Variants in CMSS1 observed in about 807,000 individuals in gnomAD.
CMSS1 encodes cms1 ribosomal small subunit homolog.
CMSS1 carries 33 observed loss-of-function variants against 43.5 expected under a neutral mutation model. That is an observed-to-expected ratio of 0.76 (90% CI 0.57 to 1.01). The LOEUF (loss-of-function observed/expected upper bound fraction) is 1.01, where lower values mean the gene tolerates loss of function less well. Among genes scored for constraint, CMSS1 ranks in the 50% least tolerant of loss-of-function variants. The pLI, the probability that CMSS1 is intolerant of heterozygous loss-of-function variation, is 0.00. For missense variants in CMSS1, 313 were observed against 326.4 expected (o/e 0.96, Z 0.32); for synonymous variants, 115 against 117.2 (o/e 0.98, Z 0.12).
Position 100,018,187 on chromosome 3 carries a change from G to A in CMSS1, c.65-128786G>A, listed in dbSNP as rs144051527. ...TTAAAAATACAAAAATTAGCCGGGC[G>A]TGGTGGCATGTCCCTGTAATCCCAG... On this transcript the variant is annotated intron_variant, in intron 1 of 9. Coordinates refer to ENST00000421999, the MANE Select transcript of CMSS1 (RefSeq NM_032359.4). Among the ~76,000 whole-genome samples the A allele has an allele frequency of 2.6e-3, 398 of 152,210 alleles. 1 individual carries two copies. The highest frequency in any genetic ancestry group is 8.9e-3 in the African/African-American group (371 of 41,512).
At chr3:100,049,311 A>G (rs2065330999) in intron 1 of CMSS1, among the ~76,000 whole-genome samples, 3 of 152,166 alleles carry the variant, frequency 2.0e-5, no homozygotes, top group Admixed American at 6.5e-5. Context: ...AGGTTAGACT[A>G]TTGCTCTTCT....
chr3:100,075,362 T>C (rs964750260), intron 1 of CMSS1, among the ~76,000 whole-genome samples: 3 of 152,248 alleles, frequency 2.0e-5, no homozygotes, highest in East Asian at 3.8e-4. Context: ...TCGTGTCCTT[T>C]ACCCTACAGG....
intron 1 of CMSS1, among the ~76,000 whole-genome samples, chr3:100,081,316 A>T (rs1559751108): frequency 1.3e-5 from 2 of 152,200 alleles, no homozygotes. Context: ...AACAAATTAT[A>T]TACCATGGTT....
chr3:100,076,591 A>C (rs922306108), intron 1 of CMSS1, among the ~76,000 whole-genome samples: 1 of 152,078 alleles, frequency 6.6e-6, no homozygotes, highest in Non-Finnish European at 1.5e-5. Flanking sequence ...CAGTCTTCTG[A>C]GTTATTTTTT....
chr3:99,959,846 C>T (rs896771999), intron 1 of CMSS1, among the ~76,000 whole-genome samples: 1 of 152,152 alleles, frequency 6.6e-6, no homozygotes, highest in Non-Finnish European at 1.5e-5. Flanking sequence ...AGATTATGAG[C>T]ATGGTTCTTG....
At chr3:99,989,465 T>C (rs546975778) in intron 1 of CMSS1, among the ~76,000 whole-genome samples, 12 of 152,308 alleles carry the variant, frequency 7.9e-5, no homozygotes, top group Admixed American at 7.8e-4. Context: ...ACTACAGCAC[T>C]CTGGATGTTT....
chr3:100,036,799 A>G (rs1158294674), intron 1 of CMSS1, among the ~76,000 whole-genome samples: 2 of 152,168 alleles, frequency 1.3e-5, no homozygotes, highest in Non-Finnish European at 2.9e-5. Context: ...ACTTTAACCA[A>G]GTGATCAAAG....
intron 1 of CMSS1, among the ~76,000 whole-genome samples, chr3:99,876,565 AT>A (rs1379488868): frequency 6.6e-6 from 1 of 152,040 alleles, no homozygotes; most frequent in Non-Finnish European, 1.5e-5. Flanking sequence ...TATACTTTTT[AT>A]TTTTGGTTGC....
intron 1 of CMSS1, among the ~76,000 whole-genome samples, chr3:100,030,835 A>G (rs1196544825): frequency 1.3e-5 from 2 of 152,196 alleles, no homozygotes; most frequent in Non-Finnish European, 2.9e-5. Context: ...TTATAACCTA[A>G]TAAGGTATAA....
At chr3:99,850,879 T>C (rs1421520776) in intron 1 of CMSS1, 2 of 1,614,098 alleles carry the variant, frequency 1.2e-6, no homozygotes, top group Admixed American at 1.7e-5. Context: ...TTCCTTTGCA[T>C]TTGTGGTCAG....
At chr3:99,929,746 G>A (rs1576580233) in intron 1 of CMSS1, 2 of 740,438 alleles carry the variant, frequency 2.7e-6, no homozygotes, top group East Asian at 5.7e-5. Context: ...GGCTTTAAGT[G>A]CGTTAGAAAG....
At chr3:100,045,816 T>C (rs1413732894) in intron 1 of CMSS1, among the ~76,000 whole-genome samples, 2 of 152,238 alleles carry the variant, frequency 1.3e-5, no homozygotes, top group African/African-American at 2.4e-5. Flanking sequence ...CAGCAAGGCC[T>C]TCTGGGCTTC....
At chr3:100,008,878 T>C (rs1710064596) in intron 1 of CMSS1, among the ~76,000 whole-genome samples, 1 of 152,184 alleles carries the variant, frequency 6.6e-6, no homozygotes, top group African/African-American at 2.4e-5. Context: ...TGGGCATGGG[T>C]GGGATTAATT....
chr3:99,916,539 C>T (rs1706960726), intron 1 of CMSS1, among the ~76,000 whole-genome samples: 3 of 151,586 alleles, frequency 2.0e-5, no homozygotes, highest in Admixed American at 2.0e-4. Context: ...TCACTGAGTG[C>T]TTTTTATGTG....
intron 1 of CMSS1, among the ~76,000 whole-genome samples, chr3:100,095,848 A>G (rs2066197225): frequency 6.6e-6 from 1 of 152,218 alleles, no homozygotes; most frequent in Non-Finnish European, 1.5e-5. Context: ...ACAGAACGGG[A>G]GAAAATATTT....
chr3:99,949,731 G>A (rs1464927033), intron 1 of CMSS1, among the ~76,000 whole-genome samples: 1 of 152,074 alleles, frequency 6.6e-6, no homozygotes, highest in Non-Finnish European at 1.5e-5. Flanking sequence ...TATTTGTAGT[G>A]GTTCTTTTAG....
chr3:100,030,318 C>T (rs980782658), intron 1 of CMSS1, among the ~76,000 whole-genome samples: 3 of 152,070 alleles, frequency 2.0e-5, no homozygotes, highest in Non-Finnish European at 2.9e-5. Context: ...AGTGATCAGG[C>T]CAAAACTAGA....
chr3:99,990,619 C>T (rs914213278), intron 1 of CMSS1, among the ~76,000 whole-genome samples: 1 of 152,066 alleles, frequency 6.6e-6, no homozygotes, highest in African/African-American at 2.4e-5. Context: ...CACTTAAAAC[C>T]AATTAAATCA....
intron 1 of CMSS1, chr3:99,930,011 C>T (rs1707426256): frequency 1.9e-6 from 3 of 1,611,786 alleles, no homozygotes; most frequent in Admixed American, 3.4e-5. Context: ...TTTAAAATGC[C>T]TATGACCTCA....
Sources: allele counts gnomAD v4.1 joint callset (sites outside exome capture counted in the v4.1 genomes callset), GRCh38; gene constraint gnomAD v4.1.1; transcripts MANE v1.5; gene names NCBI Gene and HGNC (gene_info 2026-07-23, HGNC 2026-07-21).